SUMF1: variants seen among roughly 807,000 people sequenced by gnomAD.
The protein encoded by SUMF1 is sulfatase modifying factor 1.
In SUMF1, 48 loss-of-function variants were observed where a neutral mutation model predicts 47.6. That is an observed-to-expected ratio of 1.01 (90% confidence interval 0.80 to 1.28). SUMF1 has a LOEUF of 1.28. Ranked by LOEUF, SUMF1 falls within the 50% of genes most tolerant of loss-of-function variation. SUMF1 has a pLI of 0.00. For missense variants in SUMF1, 571 were observed against 485.4 expected, an observed-to-expected ratio of 1.18 and a Z score of -1.66; for synonymous variants, 230 against 192.1, an observed-to-expected ratio of 1.20 and a Z score of -1.63.
chr3:4,372,078 C>A (rs747240689), intron 8 of SUMF1, among the ~76,000 whole-genome samples: 1 of 152,056 alleles, frequency 6.6e-6, no homozygotes, highest in Non-Finnish European at 1.5e-5. Flanking sequence ...GAGGCCAAGG[C>A]GGGAGGATCA....
At chr3:4,248,812 G>A (rs116627777) in intron 8 of SUMF1, among the ~76,000 whole-genome samples, 4,086 of 152,262 alleles carry the variant, frequency 0.027, 79 homozygotes, top group African/African-American at 0.035. Flanking sequence ...AAGTGTTGAT[G>A]AGAGCAACAT....
chr3:4,442,284 C>G (rs1335909570), intron 3 of SUMF1, among the ~76,000 whole-genome samples: 1 of 146,270 alleles, frequency 6.8e-6, no homozygotes, highest in East Asian at 2.0e-4. Context: ...GAGACGGAGT[C>G]TCGCTCTGTC....
At chr3:4,381,433 A>G (rs1001902370) in intron 7 of SUMF1, among the ~76,000 whole-genome samples, 6 of 152,186 alleles carry the variant, frequency 3.9e-5, no homozygotes, top group Non-Finnish European at 5.9e-5. Context: ...GATCACCACT[A>G]AAGAACTTAC....
intron 7 of SUMF1, among the ~76,000 whole-genome samples, chr3:4,410,661 A>C (rs1316556727): frequency 6.6e-6 from 1 of 152,242 alleles, no homozygotes; most frequent in Non-Finnish European, 1.5e-5. Context: ...CAATCCAGGA[A>C]AAGATAACAT....
In SUMF1 at chr3:4,362,243, G is replaced by C; in HGVS notation, c.1026C>G (p.Tyr342Ter). The C allele has an allele frequency of 6.2e-7, 1 of 1,614,022 alleles. No homozygotes were observed. Among genetic ancestry groups the C allele is most frequent in the African/African-American group, 1.3e-5 (1 of 75,048 alleles). The change falls in exon 9 of 9, where the codon TAC becomes TAG. Residue 342 changes from tyrosine to a stop codon, truncating the protein, a stop_gained. Coordinates refer to ENST00000272902, the MANE Select transcript of SUMF1 (RefSeq NM_182760.4). LOFTEE classifies it high-confidence loss of function. ...GSYMCHRSYC[Y>*]RYRCAARSQN... ...GGCTCCGAGCAGCACAGCGATACCT[G>C]TAACAATAAGACTGTGTAGAGAGAA...
chr3:4,439,211 C>CA (rs1196218345), intron 3 of SUMF1, among the ~76,000 whole-genome samples: 2 of 151,948 alleles, frequency 1.3e-5, no homozygotes, highest in Non-Finnish European at 2.9e-5. Flanking sequence ...CTTAAGAAGT[C>CA]AAAAAAAGAA....
intron 8 of SUMF1, among the ~76,000 whole-genome samples, chr3:4,093,073 G>A (rs1383288874): frequency 6.6e-6 from 1 of 152,082 alleles, no homozygotes; most frequent in Non-Finnish European, 1.5e-5. Context: ...TCCTGGTTCT[G>A]TCATTTGTAG....
chr3:4,151,848 G>C (rs927979057), intron 8 of SUMF1, among the ~76,000 whole-genome samples: 1 of 151,382 alleles, frequency 6.6e-6, no homozygotes, highest in African/African-American at 2.5e-5. Context: ...AGATGCACTG[G>C]GACAGGTACG....
At chr3:4,431,900 T>G (rs1395669680) in intron 3 of SUMF1, among the ~76,000 whole-genome samples, 1 of 152,184 alleles carries the variant, frequency 6.6e-6, no homozygotes, top group African/African-American at 2.4e-5. Flanking sequence ...AGTCAGTCTA[T>G]GAATAGATGG....
intron 8 of SUMF1, among the ~76,000 whole-genome samples, chr3:4,144,449 C>A (rs1202230125): frequency 6.6e-6 from 1 of 152,080 alleles, no homozygotes; most frequent in Non-Finnish European, 1.5e-5. Flanking sequence ...AATCACCAAT[C>A]TTTGAAGCAA....
chr3:4,352,249 T>C (rs150018854), intron 8 of SUMF1, among the ~76,000 whole-genome samples: 1 of 152,122 alleles, frequency 6.6e-6, no homozygotes, highest in Non-Finnish European at 1.5e-5. Flanking sequence ...GCATCTTGAG[T>C]CCTAGTTTTC....
chr3:4,135,364 G>C (rs573623499), intron 8 of SUMF1, among the ~76,000 whole-genome samples: 24 of 152,138 alleles, frequency 1.6e-4, no homozygotes, highest in African/African-American at 5.5e-4. Context: ...CAGAATAAAA[G>C]ACAAAAACCA....
At chr3:4,306,140 G>C (rs980184677) in intron 8 of SUMF1, among the ~76,000 whole-genome samples, 2 of 152,152 alleles carry the variant, frequency 1.3e-5, no homozygotes, top group African/African-American at 4.8e-5. Flanking sequence ...TATTCCTGCC[G>C]TGCGTGTGTG....
At chr3:4,131,360 G>A (rs1301381628) in intron 8 of SUMF1, among the ~76,000 whole-genome samples, 1 of 152,112 alleles carries the variant, frequency 6.6e-6, no homozygotes, top group Non-Finnish European at 1.5e-5. Context: ...TGGCCTCATG[G>A]GGAGTTCCCT....
At chr3:4,314,218 C>T (rs924908971) in intron 8 of SUMF1, 1 of 167,364 alleles carries the variant, frequency 6.0e-6, no homozygotes, top group African/African-American at 2.4e-5. Context: ...CAGTCGTGAT[C>T]TGACACCTTT....
chr3:4,426,129 G>T (rs1002101786), intron 3 of SUMF1, among the ~76,000 whole-genome samples: 1 of 152,118 alleles, frequency 6.6e-6, no homozygotes, highest in Non-Finnish European at 1.5e-5. Flanking sequence ...TATCAGGGAG[G>T]GTGTGAGGGG....
chr3:4,141,674 C>T (rs1298574260), intron 8 of SUMF1, among the ~76,000 whole-genome samples: 5 of 151,810 alleles, frequency 3.3e-5, no homozygotes, highest in Non-Finnish European at 7.4e-5. Context: ...AAGCCTCAAA[C>T]AAACAAACAA....
intron 7 of SUMF1, among the ~76,000 whole-genome samples, chr3:4,390,364 C>A (rs540614697): frequency 2.6e-5 from 4 of 152,284 alleles, no homozygotes; most frequent in South Asian, 2.1e-4. Context: ...AGGGTACAAG[C>A]CTAGACTCCC....
chr3:4,070,658 CAG>C (rs1273789789), intron 8 of SUMF1, among the ~76,000 whole-genome samples: 2 of 151,602 alleles, frequency 1.3e-5, no homozygotes, highest in East Asian at 3.9e-4. Context: ...TTTTTTTAGG[CAG>C]AGTCTCACTC....
Sources: allele counts gnomAD v4.1 joint callset (sites outside exome capture counted in the v4.1 genomes callset), GRCh38; gene constraint gnomAD v4.1.1; transcripts MANE v1.5; gene names NCBI Gene and HGNC (gene_info 2026-07-23, HGNC 2026-07-21).